Variants in CMSS1 observed in about 807,000 individuals in gnomAD.
The protein encoded by CMSS1 is protein CMSS1.
A neutral mutation model predicts 43.5 loss-of-function variants in CMSS1; 33 were observed. The ratio of observed to expected loss-of-function variants is 0.76; its 90% CI spans 0.57 to 1.01. CMSS1 has a LOEUF of 1.01. Ranked by LOEUF, CMSS1 falls within the 50% of genes least tolerant of loss-of-function variation. CMSS1 has a pLI of 0.00. For synonymous variants in CMSS1, 115 were observed against 117.2 expected (o/e 0.98, Z 0.12); for missense variants, 313 against 326.4 (o/e 0.96, Z 0.32).
intron 1 of CMSS1, among the ~76,000 whole-genome samples, chr3:100,119,572 A>G (rs982393712): frequency 7.9e-5 from 12 of 152,268 alleles, no homozygotes; most frequent in Non-Finnish European, 1.6e-4. Flanking sequence ...TCAATACACA[A>G]CACATCATAG....
At chr3:99,827,835 C>T (rs1212546640) in intron 1 of CMSS1, among the ~76,000 whole-genome samples, 1 of 152,154 alleles carries the variant, frequency 6.6e-6, no homozygotes, top group Non-Finnish European at 1.5e-5. Flanking sequence ...GAACTCCCAA[C>T]CTCAGGTGAT....
intron 1 of CMSS1, among the ~76,000 whole-genome samples, chr3:99,959,913 G>A (rs1172908962): frequency 1.3e-5 from 2 of 152,142 alleles, no homozygotes; most frequent in South Asian, 2.1e-4. Context: ...CACTCCCATT[G>A]TACAAAGGAG....
chr3:99,852,407 G>C (rs1364694931), intron 1 of CMSS1, among the ~76,000 whole-genome samples: 1 of 152,000 alleles, frequency 6.6e-6, no homozygotes, highest in Non-Finnish European at 1.5e-5. Context: ...CTTACTTTTT[G>C]AAAGTTGTGT....
chr3:99,886,967 C>T (rs1705920685), intron 1 of CMSS1, among the ~76,000 whole-genome samples: 1 of 125,716 alleles, frequency 8.0e-6, no homozygotes, highest in Non-Finnish European at 1.7e-5. Context: ...GAGACTCCAT[C>T]TCAAAAAAAA....
At chr3:100,087,718 G>A (rs1420886991) in intron 1 of CMSS1, among the ~76,000 whole-genome samples, 1 of 151,098 alleles carries the variant, frequency 6.6e-6, no homozygotes, top group African/African-American at 2.4e-5. Flanking sequence ...CAAAGGAAAA[G>A]TTTTTGAAGA....
At chr3:99,858,600 T>A (rs1158514924) in intron 1 of CMSS1, among the ~76,000 whole-genome samples, 1 of 152,262 alleles carries the variant, frequency 6.6e-6, no homozygotes, top group Non-Finnish European at 1.5e-5. Flanking sequence ...TGTTTTACAT[T>A]TCTGCAACTA....
At chr3:99,849,533 G>C in intron 1 of CMSS1, 1 of 1,613,218 alleles carries the variant, frequency 6.2e-7, no homozygotes, top group Non-Finnish European at 8.5e-7. Context: ...TCTCTTGAGA[G>C]GTGCCCTGAC....
intron 1 of CMSS1, among the ~76,000 whole-genome samples, chr3:99,824,640 A>G (rs1441351707): frequency 6.6e-6 from 1 of 152,234 alleles, no homozygotes; most frequent in Non-Finnish European, 1.5e-5. Flanking sequence ...AGATTTGTCA[A>G]ACTCCTGTCC....
At chr3:99,853,395 A>G (rs189157288) in intron 1 of CMSS1, among the ~76,000 whole-genome samples, 1 of 152,358 alleles carries the variant, frequency 6.6e-6, no homozygotes, top group Non-Finnish European at 1.5e-5. Context: ...AAATTATAGC[A>G]TGTGCTATGT....
intron 1 of CMSS1, chr3:99,849,351 C>G: frequency 6.2e-7 from 1 of 1,614,102 alleles, no homozygotes; most frequent in Non-Finnish European, 8.5e-7. Flanking sequence ...TACTGAAATG[C>G]CGGTACCTCT....
chr3:100,025,051 G>T (rs1286251252), intron 1 of CMSS1, among the ~76,000 whole-genome samples: 1 of 152,110 alleles, frequency 6.6e-6, no homozygotes, highest in Non-Finnish European at 1.5e-5. Flanking sequence ...TAATTAACAC[G>T]CATTTTTCTT....
intron 1 of CMSS1, among the ~76,000 whole-genome samples, chr3:99,978,048 A>G (rs1278734643): frequency 6.6e-6 from 1 of 152,218 alleles, no homozygotes; most frequent in African/African-American, 2.4e-5. Flanking sequence ...CATTCTTTAC[A>G]TAAAACAAGC....
chr3:99,983,389 A>AATATATATATATATAT (rs397990626), intron 1 of CMSS1, among the ~76,000 whole-genome samples: 2 of 40,798 alleles, frequency 4.9e-5, no homozygotes, highest in African/African-American at 1.0e-4. Flanking sequence ...TAAATAAATA[A>AATATATATATATATAT]ATATATATAT....
chr3:100,176,260 A>G, intron 8 of CMSS1, 67 bp from the exon 9 acceptor site: 1 of 1,126,466 alleles, frequency 8.9e-7, no homozygotes, highest in South Asian at 1.3e-5. Context: ...CGGAGAATAA[A>G]AAATCATTTT....
chr3:100,115,022 C>A, intron 1 of CMSS1: 1 of 1,450,842 alleles, frequency 6.9e-7, no homozygotes, highest in Non-Finnish European at 9.4e-7. Flanking sequence ...TATTATTTGA[C>A]ATTTTGTTTT....
intron 1 of CMSS1, among the ~76,000 whole-genome samples, chr3:100,036,677 T>C (rs2065113591): frequency 6.6e-6 from 1 of 152,210 alleles, no homozygotes; most frequent in East Asian, 1.9e-4. Context: ...AACAATTTTT[T>C]AAAAGTTCAG....
At chr3:99,928,553 G>T (rs921837277) in intron 1 of CMSS1, among the ~76,000 whole-genome samples, 1 of 152,140 alleles carries the variant, frequency 6.6e-6, no homozygotes, top group Non-Finnish European at 1.5e-5. Flanking sequence ...TTGTAGAAGG[G>T]GGGTATTTCC....
At chr3:100,096,558 T>C (rs1443148251) in intron 1 of CMSS1, among the ~76,000 whole-genome samples, 1 of 151,576 alleles carries the variant, frequency 6.6e-6, no homozygotes, top group Non-Finnish European at 1.5e-5. Flanking sequence ...GATGTAGAAA[T>C]CAAAATAATT....
At chr3:100,135,188 T>C (rs183725057) in intron 1 of CMSS1, among the ~76,000 whole-genome samples, 2 of 152,298 alleles carry the variant, frequency 1.3e-5, no homozygotes, top group East Asian at 3.9e-4. Context: ...TGTACAAGTA[T>C]TCAGGCCCAA....
Sources: gnomAD v4.1 joint callset for allele counts (sites outside exome capture counted in the v4.1 genomes callset) on GRCh38, gnomAD v4.1.1 for gene constraint, MANE v1.5 for transcripts, NCBI Gene and HGNC (gene_info 2026-07-23, HGNC 2026-07-21) for gene names.